ABCA7: variants seen among roughly 807,000 people sequenced by gnomAD.
The protein encoded by ABCA7 is ATP binding cassette subfamily A member 7, also known as phospholipid-transporting ATPase ABCA7.
In ABCA7, 261 loss-of-function variants were observed where a neutral mutation model predicts 227.6. The observed-to-expected ratio is 1.15, with a 90% CI of 1.04 to 1.27. The LOEUF (loss-of-function observed/expected upper bound fraction) is 1.27. Ranked by LOEUF, ABCA7 falls within the 50% of genes most tolerant of loss-of-function variation. The pLI, the probability that ABCA7 is intolerant of heterozygous loss-of-function variation, is 0.00. For synonymous variants in ABCA7, 1,488 were observed against 1,279.7 expected (o/e 1.16, Z -3.47); for missense variants, 3,331 against 2,924.5 (o/e 1.14, Z -3.21).
At chr19:1,049,232 G>A (rs200167012) in intron 17 of ABCA7, 34 bp from the exon 18 acceptor site, 5 of 1,563,324 alleles carry the variant, frequency 3.2e-6, no homozygotes, top group Admixed American at 1.8e-5. Flanking sequence ...GGACCCCCAT[G>A]ACCTCCATGG....
intron 42 of ABCA7, among the ~76,000 whole-genome samples, 161 bp from the exon 43 acceptor site, chr19:1,063,383 A>C (rs1238233282): frequency 6.7e-6 from 1 of 149,182 alleles, no homozygotes; most frequent in African/African-American, 2.5e-5. Flanking sequence ...CCCGCCCCAT[A>C]CTCATGCTGC....
chr19:1,056,387 A>T lies in ABCA7; in HGVS notation c.4474A>T (p.Asn1492Tyr). Residue 1492 changes from asparagine to tyrosine, a missense_variant, in exon 33 of 47, where the codon AAC becomes TAC. By Grantham distance (143) the Asn-to-Tyr change is moderately radical. Transcript: ENST00000263094. The surrounding 1 kb of genome is among the most constrained non-coding windows in gnomAD (Gnocchi z 4.3). ...GGTGGCCTTTGTCAACCGAGCCAGC[A>T]ACGCAATCCTCCGTGCTCACCTGCC... ...SMVAFVNRAS[N>Y]AILRAHLPPG... 6.2e-7 allele frequency: 1 copy of T among 1,613,516 alleles called. No homozygotes were observed. The highest frequency in any genetic ancestry group is 8.5e-7 in the Non-Finnish European group (1 of 1,179,952).
In ABCA7 at chr19:1,053,475, C is replaced by CTA; in HGVS notation, c.3367_3368insTA (p.Arg1123LeufsTer6). On this transcript the variant is annotated frameshift_variant, in exon 24 of 47. Coordinates refer to ENST00000263094, the MANE Select transcript of ABCA7 (RefSeq NM_019112.4). LOFTEE classifies it high-confidence loss of function. ...CACACTCTTCCGAGAGCTAGACACGCGGCTGGCGGAGCTGAGGCTCACTGG... is the reference window on the plus strand; with the variant it reads ...CACACTCTTCCGAGAGCTAGACACGCTAGGCTGGCGGAGCTGAGGCTCACTGG... 6.3e-7 allele frequency: 1 copy of CTA among 1,591,472 alleles called. No individual in the cohort carries two copies. Among genetic ancestry groups the CTA allele is most frequent in the Non-Finnish European group, 8.5e-7 (1 of 1,171,878 alleles).
rs1599721839 is a variant in ABCA7, at chr19:1,061,983, C to T, written c.5570+95C>T. 15 of 1,429,974 alleles carry T rather than the reference C, an allele frequency of 1.0e-5. No individual in the cohort carries two copies. In the East Asian group the frequency reaches 3.5e-4, roughly 33 times the overall value. The allele number at this position is 1,429,974 out of a possible 1,614,324, so 88.6% of individuals were successfully genotyped here. ...CCACCTCCAGTGAATGGACTGGGCT[C>T]ACTGCCCCACACCTGCATGGTCTCT... On this transcript the variant is annotated intron_variant, in intron 41 of 46. Coordinates refer to ENST00000263094, the MANE Select transcript of ABCA7 (RefSeq NM_019112.4).
At chr19:1,062,372 G>A in intron 42 of ABCA7, 59 bp downstream of exon 42, 7 of 1,575,372 alleles carry the variant, frequency 4.4e-6, no homozygotes, top group East Asian at 2.2e-5. Context: ...CCCAGGCCGT[G>A]CCTCTAAAGC....
At position 1,046,341 on chromosome 19, in the gene ABCA7, C is replaced by T. The variant is rs369256437; in HGVS notation, c.1557C>T (p.Ser519=). Residue 519 remains serine (S), a synonymous_variant, in exon 13 of 47, where the codon AGC becomes AGT. Coordinates refer to ENST00000263094, the MANE Select transcript of ABCA7 (RefSeq NM_019112.4). ...LVERAAVRVL[S]GANPRAGLYL... is the part of the protein sequence containing the mutation. ...AGCGTGCAGCCGTCCGCGTGCTCAG[C>T]GGCGCCAACCCCCGGGCCGGCCTCT... 5.6e-5 allele frequency: 90 copies of T among 1,600,980 alleles called. No individual in the cohort carries two copies. In the African/African-American group the frequency reaches 8.8e-4, roughly 16 times the overall value.
In ABCA7 at chr19:1,047,274, C is replaced by T. The variant is rs752487895; in HGVS notation, c.1963C>T (p.Leu655=). The change falls in exon 15 of 47, where the codon CTG becomes TTG. Residue 655 remains leucine, a synonymous_variant. Coordinates refer to ENST00000263094, the MANE Select transcript of ABCA7 (RefSeq NM_019112.4). ...CAGCGCCTTCTTCTCCCGCGCCAAC[C>T]TGGCTGCGGCCTGCGGCGGCCTGGC... The part of the protein sequence containing the change: ...LLSAFFSRAN[L]AAACGGLAYF... 2 of 1,606,732 alleles carry T rather than the reference C, an allele frequency of 1.2e-6. No homozygotes were observed. The highest frequency in any genetic ancestry group is 1.7e-6 in the Non-Finnish European group (2 of 1,179,234).
At position 1,058,072 on chromosome 19, in the gene ABCA7, G is replaced by A. The variant is rs375330710; in HGVS notation, c.5025+13G>A. The A allele has an allele frequency of 6.1e-5, 99 of 1,613,894 alleles. No homozygotes were observed. The African/African-American group carries it at 1.0e-3, about 17-fold the overall frequency. On this transcript the variant is annotated intron_variant, in intron 36 of 46. Coordinates refer to ENST00000263094, the MANE Select transcript of ABCA7 (RefSeq NM_019112.4). ...CTTCTCTGATCAGGTGGGGCACCACGAGGCTGGGGCTTGGGCTGGGTTGGG... is the reference window on the plus strand; with the variant it reads ...CTTCTCTGATCAGGTGGGGCACCACAAGGCTGGGGCTTGGGCTGGGTTGGG...
intron 10 of ABCA7, among the ~76,000 whole-genome samples, chr19:1,044,334 G>A (rs1278372436): frequency 7.1e-6 from 1 of 140,624 alleles, no homozygotes; most frequent in East Asian, 2.2e-4. Flanking sequence ...TGCAACCTCC[G>A]CCTCCTGGAT....
At chr19:1,064,389 C>T in intron 45 of ABCA7, 136 bp downstream of exon 45, 1 of 1,048,288 alleles carries the variant, frequency 9.5e-7, no homozygotes, top group Non-Finnish European at 1.3e-6. Context: ...TTAGATTGTC[C>T]TGCAGGGGTG....
At chr19:1,043,666 G>C in intron 9 of ABCA7, 59 bp from the exon 10 acceptor site, 1 of 1,572,316 alleles carries the variant, frequency 6.4e-7, no homozygotes, top group African/African-American at 1.3e-5. Context: ...GGGGGCAGGG[G>C]GTGGGCAGGG....
At chr19:1,046,743 G>A in intron 13 of ABCA7, 59 bp from the exon 14 acceptor site, 2 of 1,479,778 alleles carry the variant, frequency 1.4e-6, no homozygotes, top group South Asian at 1.2e-5. Context: ...GCCAGATGGT[G>A]GGCGGAGGGG....
chr19:1,047,868 C>T (rs75921903), intron 16 of ABCA7, among the ~76,000 whole-genome samples: 5,434 of 152,250 alleles, frequency 0.036, 333 homozygotes, highest in African/African-American at 0.13. Flanking sequence ...CATACCTGGA[C>T]GCCCTGATTC....
In ABCA7 at chr19:1,044,989, C is replaced by A. The variant is rs370899120; in HGVS notation, c.1216-13C>A. 8.7e-5 allele frequency: 141 copies of A among 1,611,886 alleles called. No individual in the cohort carries two copies. In the African/African-American group the frequency reaches 1.6e-3, roughly 19 times the overall value. On this transcript the variant is annotated splice_polypyrimidine_tract_variant and intron_variant, in intron 11 of 46. Transcript: ENST00000263094. The stretch of plus-strand genomic sequence containing the variant: ...GGACCCCAGCGCCTAGGACTCACCC[C>A]CGCATCCCACAGTGCCTGTCCTTGG...
At chr19:1,048,042 G>C (rs1013792213) in intron 16 of ABCA7, among the ~76,000 whole-genome samples, 2 of 151,888 alleles carry the variant, frequency 1.3e-5, no homozygotes, top group Non-Finnish European at 2.9e-5. Flanking sequence ...TTAGCTGGGC[G>C]TGGTGGCACG....
At chr19:1,047,744 T>A (rs1342761095) in intron 16 of ABCA7, 90 bp downstream of exon 16, 1 of 907,714 alleles carries the variant, frequency 1.1e-6, no homozygotes, top group Admixed American at 4.3e-5. Context: ...CGTTTGGGGG[T>A]GGGGGGTGGC....
chr19:1,051,092 AC>A (rs1256125633), intron 19 of ABCA7, 40 bp downstream of exon 19: 1 of 1,611,288 alleles, frequency 6.2e-7, no homozygotes, highest in Non-Finnish European at 8.5e-7. Context: ...GTGGGAAGGG[AC>A]TGGACGCCCT....
At position 1,057,350 on chromosome 19, in the gene ABCA7, A is replaced by C; in HGVS notation, c.4801A>C (p.Ile1601Leu). 6.2e-7 allele frequency: 1 copy of C among 1,613,920 alleles called. No homozygotes were observed. Among genetic ancestry groups the C allele is most frequent in the Non-Finnish European group, 8.5e-7 (1 of 1,180,010 alleles). The change falls in exon 35 of 47, where the codon ATC becomes CTC. Residue 1601 changes from isoleucine to leucine, a missense_variant. Physicochemically the swap from Ile to Leu is conservative, Grantham distance 5. Transcript: ENST00000263094. The part of the protein sequence containing the change: ...YLVPACIVVL[I>L]FLAFQQRAYV... ...GGTGCCAGCATGCATCGTGGTGCTC[A>C]TCTTTCTGGCCTTCCAGCAGAGGGC...
At position 1,058,720 on chromosome 19, in the gene ABCA7, T is replaced by G; in HGVS notation, c.5252T>G (p.Leu1751Arg). 6.2e-7 allele frequency: 1 copy of G among 1,613,952 alleles called. No individual in the cohort carries two copies. Residue 1751 changes from leucine to arginine, a missense_variant, in exon 38 of 47, where the codon CTG (leucine) becomes CGG (arginine). Coordinates refer to ENST00000263094, the MANE Select transcript of ABCA7 (RefSeq NM_019112.4). ...GPLFLLFTLLLQHRSQLLPQP... is the reference protein window; with the variant it reads ...GPLFLLFTLLRQHRSQLLPQP... Reference sequence around the variant, plus strand: ...CTCTTCCTTCTCTTCACACTACTGCTGCAGCACCGAAGCCAACTCCTGCCA... The same window carrying G: ...CTCTTCCTTCTCTTCACACTACTGCGGCAGCACCGAAGCCAACTCCTGCCA...
Sources: gnomAD v4.1 joint callset for allele counts (sites outside exome capture counted in the v4.1 genomes callset) on GRCh38, gnomAD v4.1.1 for gene constraint, Gnocchi (gnomAD v3.1) non-coding constraint, MANE v1.5 for transcripts, NCBI Gene and HGNC (gene_info 2026-07-23, HGNC 2026-07-21) for gene names.